Variants in CTNS observed in about 807,000 individuals in gnomAD.
CTNS encodes the protein cystinosin.
In CTNS, 27 loss-of-function variants were observed where a neutral mutation model predicts 43.7. That is an observed-to-expected ratio of 0.62 (90% CI 0.46 to 0.85). The LOEUF is 0.85. Ranked by LOEUF, CTNS falls within the 40% of genes least tolerant of loss-of-function variation. The pLI, the probability that CTNS is intolerant of heterozygous loss-of-function variation, is 0.00. For missense variants in CTNS, 457 were observed against 475.4 expected (o/e 0.96, Z 0.36); for synonymous variants, 187 against 190.6 (o/e 0.98, Z 0.16).
chr17:3,642,477 C>G (rs952883277), intron 3 of CTNS, among the ~76,000 whole-genome samples: 1 of 151,980 alleles, frequency 6.6e-6, no homozygotes, highest in Non-Finnish European at 1.5e-5. Context: ...CTCTTGAGGT[C>G]AGGAGTTCGA....
At chr17:3,660,121 C>G (rs945354779) in intron 11 of CTNS, 115 bp from the exon 12 acceptor site, 3 of 1,512,068 alleles carry the variant, frequency 2.0e-6, no homozygotes, top group Admixed American at 1.7e-5. Flanking sequence ...TAGGGGCCTT[C>G]GTAGCTGGAG....
intron 5 of CTNS, 70 bp downstream of exon 5, chr17:3,649,001 G>T: frequency 1.6e-6 from 2 of 1,285,666 alleles, no homozygotes; most frequent in Non-Finnish European, 2.3e-6. Flanking sequence ...TTAAGAGCTG[G>T]TGGAAACAGG....
Position 3,659,457 on chromosome 17 carries a change from G to C in CTNS, c.853-401G>C, listed in dbSNP as rs2076234652. ...CAAACCAGAAGTCCCACTCCCACCA[G>C]TCCCTAAGCACATGAAGTCCAGGCT... On this transcript the variant is annotated intron_variant, in intron 10 of 11. Coordinates refer to ENST00000046640, the MANE Select transcript of CTNS (RefSeq NM_004937.3). Among the ~76,000 whole-genome samples, 3 of 152,252 alleles carry C rather than the reference G, an allele frequency of 2.0e-5. No individual in the cohort carries two copies. In the South Asian group the frequency reaches 6.2e-4, roughly 31 times the overall value.
At chr17:3,640,471 A>G (rs2075658264) in intron 3 of CTNS, among the ~76,000 whole-genome samples, 1 of 152,256 alleles carries the variant, frequency 6.6e-6, no homozygotes, top group Non-Finnish European at 1.5e-5. Flanking sequence ...ATAGTTCCAC[A>G]TATAATTGGC....
In CTNS at chr17:3,662,622, G is replaced by A. The variant is rs1203393040; in HGVS notation, c.*2253G>A. Among the ~76,000 whole-genome samples the A allele has an allele frequency of 6.6e-6, 1 of 152,174 alleles. No individual in the cohort carries two copies. Among genetic ancestry groups the A allele is most frequent in the Non-Finnish European group, 1.5e-5 (1 of 68,024 alleles). On this transcript the variant is annotated 3_prime_UTR_variant, in exon 12 of 12. Transcript: ENST00000046640. ...CAAAAAGGAGGTTGGGAGCAAGTAGGGGCTTCACAGTAACACCCAAGAAAG... is the reference window on the plus strand; with the variant it reads ...CAAAAAGGAGGTTGGGAGCAAGTAGAGGCTTCACAGTAACACCCAAGAAAG...
chr17:3,642,834 T>C (rs2075753046), intron 3 of CTNS, among the ~76,000 whole-genome samples: 1 of 152,208 alleles, frequency 6.6e-6, no homozygotes, highest in South Asian at 2.1e-4. Context: ...ATGATTGGCC[T>C]TCAGACTTGT....
rs927380896 is a variant in CTNS at position 3,662,777 on chromosome 17, G to C, written c.*2408G>C. On this transcript the variant is annotated 3_prime_UTR_variant, in exon 12 of 12. Transcript: ENST00000046640. ...CAGGCAGGTGGGCCTGGGAGTAGTT[G>C]AGCTTTGTCCCAGAACAGTGGGGGA... The C allele has an allele frequency of 6.6e-6, 1 of 152,214 alleles. No homozygotes were observed. The highest frequency in any genetic ancestry group is 2.4e-5 in the African/African-American group (1 of 41,438). The allele number at this position is 152,214 out of a possible 1,614,324, so 9.4% of individuals were successfully genotyped here.
In CTNS at chr17:3,660,596, C is replaced by G. The variant is rs755866151; in HGVS notation, c.*227C>G. 1 of 1,613,362 alleles carries G rather than the reference C, an allele frequency of 6.2e-7. No homozygotes were observed. Among genetic ancestry groups the G allele is most frequent in the Non-Finnish European group, 8.5e-7 (1 of 1,180,030 alleles). ...GGCACGTGGCACCGTCGCCTTGACA[C>G]CGCCATCTCTTTTCTTTAAGGCTTC... is the stretch of plus-strand genomic sequence containing the variant. On this transcript the variant is annotated 3_prime_UTR_variant, in exon 12 of 12. Coordinates refer to ENST00000046640, the MANE Select transcript of CTNS (RefSeq NM_004937.3).
chr17:3,655,862 T>A (rs1476907227), intron 7 of CTNS: 1 of 249,008 alleles, frequency 4.0e-6, no homozygotes, highest in Non-Finnish European at 7.9e-6. Flanking sequence ...AGCCAGGACT[T>A]GAGGGGCAGG....
chr17:3,641,951 T>C (rs2075719860), intron 3 of CTNS, among the ~76,000 whole-genome samples: 2 of 152,098 alleles, frequency 1.3e-5, no homozygotes, highest in Admixed American at 1.3e-4. Context: ...CAGAACCCTG[T>C]CCCCACCCTG....
In CTNS at chr17:3,662,241, G is replaced by A. The variant is rs939229043; in HGVS notation, c.*1872G>A. 1.3e-5 allele frequency among the ~76,000 whole-genome samples: 2 copies of A among 152,044 alleles called. No homozygotes were observed. The highest frequency in any genetic ancestry group is 2.4e-5 in the African/African-American group (1 of 41,370). Reference sequence around the variant, plus strand: ...CAGGAGAATTACTTGAACCCAGGAGGCGGAGGTTGCAGTGAGCGAAGATCA... The same window carrying A: ...CAGGAGAATTACTTGAACCCAGGAGACGGAGGTTGCAGTGAGCGAAGATCA... On this transcript the variant is annotated 3_prime_UTR_variant, in exon 12 of 12. Coordinates refer to ENST00000046640, the MANE Select transcript of CTNS (RefSeq NM_004937.3).
rs1329137941 is a variant in CTNS, at chr17:3,661,343, A to C, written c.*974A>C. On this transcript the variant is annotated 3_prime_UTR_variant, in exon 12 of 12. Transcript: ENST00000046640. ...AAGTATTTGTACTTGAGACCACCTC[A>C]CACAATCTGTATGGGCCCAACCCTG... 1 of 165,860 alleles carries C rather than the reference A, an allele frequency of 6.0e-6. No individual in the cohort carries two copies. Among genetic ancestry groups the C allele is most frequent in the Non-Finnish European group, 1.3e-5 (1 of 75,154 alleles). 10.3% of individuals were successfully genotyped at this position (165,860 alleles called of 1,614,324 possible). A position where few individuals can be genotyped will look rare whatever the true frequency, so the allele number is the denominator to read the frequency against.
chr17:3,657,801 C>T, intron 9 of CTNS: 1 of 613,738 alleles, frequency 1.6e-6, no homozygotes, highest in Non-Finnish European at 2.9e-6. Context: ...GGATGTCCAG[C>T]ACCAGCCCAG....
rs1455806989 is a variant in CTNS, at chr17:3,658,135, A to C, written c.812A>C (p.Tyr271Ser). The stretch of plus-strand genomic sequence containing the variant: ...CTGCAGTTTCTCTTCTGCTTCTCCT[A>C]CATCAAGCTCGCAGTCACGCTGGTC... Reference protein sequence around the residue: ...TWLQFLFCFSYIKLAVTLVKY... With the variant: ...TWLQFLFCFSSIKLAVTLVKY... Residue 271 changes from tyrosine (Y) to serine (S), a missense_variant, in exon 10 of 12, where the codon TAC becomes TCC. By Grantham distance (144) the Tyr-to-Ser change is moderately radical (BLOSUM62 -2). Coordinates refer to ENST00000046640, the MANE Select transcript of CTNS (RefSeq NM_004937.3). The C allele has an allele frequency of 6.2e-7, 1 of 1,612,128 alleles. No individual in the cohort carries two copies. Among genetic ancestry groups the C allele is most frequent in the Non-Finnish European group, 8.5e-7 (1 of 1,179,762 alleles).
intron 3 of CTNS, among the ~76,000 whole-genome samples, chr17:3,645,010 G>T (rs1251980125): frequency 6.6e-6 from 1 of 152,184 alleles, no homozygotes; most frequent in African/African-American, 2.4e-5. Flanking sequence ...GAGTCTGGCT[G>T]GCCGCCCAGC....
intron 3 of CTNS, among the ~76,000 whole-genome samples, chr17:3,641,891 A>T (rs1217164164): frequency 6.6e-6 from 1 of 152,152 alleles, no homozygotes; most frequent in Non-Finnish European, 1.5e-5. Context: ...AATTTCCGGG[A>T]AAGGCAGGTC....
At chr17:3,641,549 G>A (rs1282289427) in intron 3 of CTNS, among the ~76,000 whole-genome samples, 4 of 150,830 alleles carry the variant, frequency 2.7e-5, no homozygotes, top group Non-Finnish European at 4.4e-5. Flanking sequence ...CCGCAACTAC[G>A]CCCAGCTAGT....
In CTNS at chr17:3,655,313, C is replaced by T. The variant is rs1436441738; in HGVS notation, c.422C>T (p.Ser141Phe). The T allele has an allele frequency of 1.2e-6, 2 of 1,614,190 alleles. No individual in the cohort carries two copies. The highest frequency in any genetic ancestry group is 2.2e-5 in the South Asian group (2 of 91,080). ...GWIYFVAWSI[S>F]FYPQVIMNWR... ...ATCTACTTTGTGGCCTGGTCCATCT[C>T]CTTCTACCCTCAGGTGATCATGAAT... is the stretch of plus-strand genomic sequence containing the variant. The change falls in exon 7 of 12, where the codon TCC becomes TTC. Residue 141 changes from serine to phenylalanine, a missense_variant. By Grantham distance (155) the Ser-to-Phe change is radical. Transcript: ENST00000046640.
intron 2 of CTNS, among the ~76,000 whole-genome samples, chr17:3,639,957 G>A (rs1233327896): frequency 6.6e-6 from 1 of 152,126 alleles, no homozygotes; most frequent in Admixed American, 6.5e-5. Context: ...CCTCAGGGGG[G>A]CACTTTACAC....
Sources: gnomAD v4.1 joint callset for allele counts (sites outside exome capture counted in the v4.1 genomes callset) on GRCh38, gnomAD v4.1.1 for gene constraint, MANE v1.5 for transcripts, NCBI Gene and HGNC (gene_info 2026-07-23, HGNC 2026-07-21) for gene names.